Variants in FGF14 observed in about 807,000 individuals in gnomAD.
FGF14 encodes the protein fibroblast growth factor 14.
Under a neutral mutation model 25.5 loss-of-function variants are expected in FGF14, and 5 were observed. That is an observed-to-expected ratio of 0.20 (90% CI 0.10 to 0.41). The LOEUF (loss-of-function observed/expected upper bound fraction) is 0.41. Ranked by LOEUF, FGF14 falls within the 10% of genes least tolerant of loss-of-function variation. The pLI is 1.00. For missense variants in FGF14, 222 were observed against 320.1 expected (o/e 0.69, Z 2.34); for synonymous variants, 138 against 118.3 (o/e 1.17, Z -1.08).
intron 3 of FGF14, among the ~76,000 whole-genome samples, chr13:101,736,432 A>C (rs2036192055): frequency 6.6e-6 from 1 of 152,098 alleles, no homozygotes; most frequent in Admixed American, 6.6e-5. Flanking sequence ...ATTTAACAGA[A>C]TGTTTTTTAT....
chr13:102,301,826 TCACA>T (rs3066038), intron 1 of FGF14, among the ~76,000 whole-genome samples: 6,688 of 140,006 alleles, frequency 0.048, 175 homozygotes, highest in African/African-American at 0.059. Context: ...TTCCTGTACT[TCACA>T]CACACACACA....
intron 1 of FGF14, among the ~76,000 whole-genome samples, chr13:102,328,827 T>C (rs1053225376): frequency 9.9e-5 from 15 of 152,218 alleles, no homozygotes; most frequent in Non-Finnish European, 1.8e-4. Context: ...ATTCCAGATA[T>C]TCTGGTGTTC....
chr13:101,724,601 T>TA (rs2035256183), intron 4 of FGF14, among the ~76,000 whole-genome samples: 1 of 6,800 alleles, frequency 1.5e-4, no homozygotes, highest in Non-Finnish European at 2.9e-4. Flanking sequence ...TAATAAAATA[T>TA]ATATATATAT....
At chr13:102,097,819 C>T (rs567123352) in intron 1 of FGF14, among the ~76,000 whole-genome samples, 63 of 152,312 alleles carry the variant, frequency 4.1e-4, no homozygotes, top group African/African-American at 1.4e-3. Context: ...AGAGCAGAGA[C>T]GATCAGAAAA....
intron 2 of FGF14, among the ~76,000 whole-genome samples, chr13:101,870,725 G>T (rs998306778): frequency 6.6e-6 from 1 of 152,122 alleles, no homozygotes; most frequent in Non-Finnish European, 1.5e-5. Context: ...AAGCCGAGGC[G>T]GGTGGATCAC....
intron 1 of FGF14, among the ~76,000 whole-genome samples, chr13:101,900,155 T>C (rs2031335305): frequency 6.6e-6 from 1 of 152,102 alleles, no homozygotes; most frequent in Non-Finnish European, 1.5e-5. Flanking sequence ...AATTAAAATA[T>C]AACAGAGAGC....
intron 1 of FGF14, among the ~76,000 whole-genome samples, chr13:102,158,742 A>G (rs2047481365): frequency 6.6e-6 from 1 of 152,284 alleles, no homozygotes. Context: ...GGAGATCTAC[A>G]AACTGGTTTA....
intron 1 of FGF14, among the ~76,000 whole-genome samples, chr13:102,090,773 G>A (rs539785755): frequency 2.0e-5 from 3 of 152,320 alleles, no homozygotes; most frequent in East Asian, 3.9e-4. Flanking sequence ...GTATGCCAAC[G>A]GCGAGATGCC....
chr13:102,173,114 A>G (rs1002732145), intron 1 of FGF14, among the ~76,000 whole-genome samples: 16 of 152,194 alleles, frequency 1.1e-4, no homozygotes, highest in African/African-American at 3.6e-4. Flanking sequence ...TCCAAAATAT[A>G]TTAACAACTT....
At chr13:102,375,358 C>T (rs981448901) in intron 1 of FGF14, among the ~76,000 whole-genome samples, 2 of 152,014 alleles carry the variant, frequency 1.3e-5, no homozygotes, top group Admixed American at 6.6e-5. Flanking sequence ...CAAGACACAG[C>T]GGTGATCAAA....
intron 1 of FGF14, among the ~76,000 whole-genome samples, chr13:102,198,881 T>A (rs965796182): frequency 3.9e-5 from 6 of 152,208 alleles, no homozygotes; most frequent in African/African-American, 1.4e-4. Flanking sequence ...GATTAAATGT[T>A]TAAGTTCCTG....
At chr13:102,149,826 G>A (rs1029236381) in intron 1 of FGF14, among the ~76,000 whole-genome samples, 3 of 152,152 alleles carry the variant, frequency 2.0e-5, no homozygotes, top group African/African-American at 7.2e-5. Context: ...GCCCTACTTG[G>A]ACATGATTGT....
rs556814486 is a variant in FGF14 at position 101,991,816 on chromosome 13, GCCCACA to G, written c.209-116526_209-116521del. Among the ~76,000 whole-genome samples, 39 of 152,170 alleles carry G rather than the reference GCCCACA, an allele frequency of 2.6e-4. No homozygotes were observed. In the South Asian group the frequency reaches 8.1e-3, roughly 32 times the overall value. ...GGAAAGGGGCTAGTCTCGGCAAGAA[GCCCACA>G]CTTTCTTAAATTTTACCTCCAGCAG... On this transcript the variant is annotated intron_variant, in intron 1 of 4. Transcript: ENST00000376131.
chr13:102,097,943 G>C (rs930827680), intron 1 of FGF14, among the ~76,000 whole-genome samples: 2 of 152,144 alleles, frequency 1.3e-5, no homozygotes, highest in Non-Finnish European at 2.9e-5. Context: ...GTCAACCCGA[G>C]AAAAACTGCT....
At chr13:101,756,973 G>A (rs561374941) in intron 3 of FGF14, among the ~76,000 whole-genome samples, 178 of 152,180 alleles carry the variant, frequency 1.2e-3, no homozygotes, top group African/African-American at 4.1e-3. Flanking sequence ...GAAATTTTAA[G>A]TACTACAAAA....
chr13:101,963,777 C>T (rs1229779662), intron 1 of FGF14, among the ~76,000 whole-genome samples: 1 of 152,168 alleles, frequency 6.6e-6, no homozygotes, highest in East Asian at 1.9e-4. Context: ...ACAAATACTA[C>T]TTTCCATATA....
chr13:102,365,556 AT>A (rs1007434558), intron 1 of FGF14, among the ~76,000 whole-genome samples: 48 of 152,202 alleles, frequency 3.2e-4, no homozygotes, highest in African/African-American at 1.2e-3. Flanking sequence ...ATGACTTTTC[AT>A]TAGAAACTTT....
intron 1 of FGF14, among the ~76,000 whole-genome samples, chr13:101,988,101 G>A (rs1461544895): frequency 6.6e-6 from 1 of 152,076 alleles, no homozygotes; most frequent in African/African-American, 2.4e-5. Flanking sequence ...TTAGAAAGGC[G>A]AGAAGGTTCC....
At chr13:102,255,921 C>T (rs2141092037) in intron 1 of FGF14, among the ~76,000 whole-genome samples, 1 of 152,208 alleles carries the variant, frequency 6.6e-6, no homozygotes, top group South Asian at 2.1e-4. Context: ...TGTCAGGAAA[C>T]CTTTACAAGG....
Sources: allele counts gnomAD v4.1 joint callset (sites outside exome capture counted in the v4.1 genomes callset), GRCh38; gene constraint gnomAD v4.1.1; transcripts MANE v1.5; gene names NCBI Gene and HGNC (gene_info 2026-07-23, HGNC 2026-07-21).